The following OC90 variants were observed in gnomAD, a reference collection of about 807,000 sequenced individuals.
The protein encoded by OC90 is otoconin-90.
In OC90, 46 loss-of-function variants were observed where a neutral mutation model predicts 47.3. The observed-to-expected ratio is 0.97, with a 90% CI of 0.77 to 1.24. The LOEUF is 1.24. OC90 is among the 50% of genes most tolerant of loss of function. OC90 has a pLI of 0.00. For synonymous variants in OC90, 271 were observed against 219.5 expected (o/e 1.23, Z -2.07); for missense variants, 688 against 583.9 (o/e 1.18, Z -1.84).
intron 3 of OC90, among the ~76,000 whole-genome samples, chr8:132,044,961 T>C (rs1188699823): frequency 6.6e-6 from 1 of 152,160 alleles, no homozygotes; most frequent in African/African-American, 2.4e-5. Flanking sequence ...TGTACCTGAG[T>C]TGTTTGTTAT....
rs1278342715 is a variant in OC90, at chr8:132,041,095, G to T, written c.406C>A (p.Pro136Thr). The change falls in exon 6 of 14, where the codon CCC becomes ACC. Residue 136 changes from proline to threonine, a missense_variant. By Grantham distance (38) the Pro-to-Thr change is conservative (BLOSUM62 -1). Transcript: ENST00000254627. Reference protein sequence around the residue: ...EAAEMDCLQDPAKLSTEVNCV... With the variant: ...EAAEMDCLQDTAKLSTEVNCV... ...TTGACCTCTGTGCTAAGTTTGGCGG[G>T]GTCTTGGAGACAGTCCATCTCAGCG... The T allele has an allele frequency of 6.2e-7, 1 of 1,613,602 alleles. No homozygotes were observed. Among genetic ancestry groups the T allele is most frequent in the African/African-American group, 1.3e-5 (1 of 74,902 alleles).
At chr8:132,051,042 G>A (rs1175693933) in intron 2 of OC90, among the ~76,000 whole-genome samples, 2 of 152,142 alleles carry the variant, frequency 1.3e-5, no homozygotes, top group East Asian at 3.9e-4. Context: ...CAGGCTCATG[G>A]AAGATCTCAA....
intron 4 of OC90, 91 bp downstream of exon 4, chr8:132,044,342 G>C (rs1264193304): frequency 2.7e-6 from 2 of 739,874 alleles, no homozygotes; most frequent in African/African-American, 1.8e-5. Context: ...GGAGCTCCGA[G>C]GGTTGAGACC....
intron 2 of OC90, among the ~76,000 whole-genome samples, chr8:132,049,428 C>T (rs769715464): frequency 1.9e-4 from 29 of 152,114 alleles, no homozygotes; most frequent in Non-Finnish European, 2.4e-4. Context: ...AAACTTGCGT[C>T]CTTTATGTTT....
chr8:132,029,978 CT>C (rs1325849031), intron 12 of OC90, among the ~76,000 whole-genome samples: 1 of 152,176 alleles, frequency 6.6e-6, no homozygotes, highest in East Asian at 1.9e-4. Context: ...GCTCTTGTGG[CT>C]TTTTTATTGC....
chr8:132,044,692 A>G (rs774542333), intron 3 of OC90, among the ~76,000 whole-genome samples: 5 of 152,324 alleles, frequency 3.3e-5, no homozygotes, highest in Non-Finnish European at 5.9e-5. Context: ...ACTGGGTAGC[A>G]TTGCACAATG....
At chr8:132,037,153 A>G (rs1563730454) in intron 9 of OC90, among the ~76,000 whole-genome samples, 2 of 152,242 alleles carry the variant, frequency 1.3e-5, no homozygotes, top group Non-Finnish European at 2.9e-5. Flanking sequence ...CAACTGTGAC[A>G]GAGACCCTGT....
In OC90 at chr8:132,034,821, A is replaced by C; in HGVS notation, c.693T>G (p.Asp231Glu). 1 of 1,612,880 alleles carries C rather than the reference A, an allele frequency of 6.2e-7. No individual in the cohort carries two copies. The highest frequency in any genetic ancestry group is 8.5e-7 in the Non-Finnish European group (1 of 1,179,220). Reference protein sequence around the residue: ...TALSGEEAGHDQEGVGAARAT... With the variant: ...TALSGEEAGHEQEGVGAARAT... ...CCCTAGCAGCTCCCACTCCTTCCTG[A>C]TCGTGGCCTGCTTCTGTTCCCCAAA... The change falls in exon 10 of 14, where the codon GAT (aspartate) becomes GAG (glutamate). Residue 231 changes from aspartate to glutamate, a missense_variant. Asp to Glu is a conservative substitution (Grantham distance 45, BLOSUM62 2). Coordinates refer to ENST00000254627, the MANE Select transcript of OC90 (RefSeq NM_001080399.3).
At chr8:132,048,479 G>A (rs11998123) in intron 2 of OC90, among the ~76,000 whole-genome samples, 7,550 of 147,520 alleles carry the variant, frequency 0.051, 669 homozygotes, top group African/African-American at 0.18. Context: ...CAAATATGCC[G>A]CACATTTTCA....
At chr8:132,034,743 T>C in intron 10 of OC90, 38 bp downstream of exon 10, 1 of 1,444,254 alleles carries the variant, frequency 6.9e-7, no homozygotes, top group Non-Finnish European at 9.7e-7. Context: ...GACATAAATG[T>C]GTCATGAACA....
chr8:132,050,325 T>C (rs985507958), intron 2 of OC90, among the ~76,000 whole-genome samples: 27 of 152,196 alleles, frequency 1.8e-4, no homozygotes, highest in African/African-American at 6.3e-4. Flanking sequence ...ACAGTGACGG[T>C]GGAGTCATAG....
Position 132,033,025 on chromosome 8 carries a change from CT to C in OC90, c.859+13del. On this transcript the variant is annotated intron_variant, in intron 11 of 13. Transcript: ENST00000254627. ...ATCCCAGCAGCGGAGAGGACAGACA[CT>C]GCTTCTGCTCACCTTTTTCAGTGGT... 1 of 1,606,652 alleles carries C rather than the reference CT, an allele frequency of 6.2e-7. No homozygotes were observed. Among genetic ancestry groups the C allele is most frequent in the Middle Eastern group, 1.7e-4 (1 of 6,048 alleles).
At chr8:132,054,838 A>C in intron 2 of OC90, 143 bp downstream of exon 2, 1 of 541,620 alleles carries the variant, frequency 1.8e-6, no homozygotes, top group Non-Finnish European at 3.2e-6. Context: ...GAATATGTTT[A>C]ACCATCTCAA....
chr8:132,030,319 TTGAC>T (rs1822856390), intron 12 of OC90, among the ~76,000 whole-genome samples: 1 of 152,252 alleles, frequency 6.6e-6, no homozygotes. Context: ...TTATATCAGT[TTGAC>T]TAACTTTTCC....
At chr8:132,032,608 A>C (rs1362820060) in intron 11 of OC90, among the ~76,000 whole-genome samples, 1 of 152,202 alleles carries the variant, frequency 6.6e-6, no homozygotes, top group Non-Finnish European at 1.5e-5. Context: ...GATACTAACA[A>C]AGCCCCTCCT....
intron 12 of OC90, among the ~76,000 whole-genome samples, chr8:132,029,768 T>G (rs1435642124): frequency 6.6e-6 from 1 of 152,230 alleles, no homozygotes; most frequent in Non-Finnish European, 1.5e-5. Context: ...TCTTTGTATA[T>G]CCACCCATCT....
chr8:132,040,958 C>A, intron 6 of OC90, 86 bp downstream of exon 6: 1 of 819,778 alleles, frequency 1.2e-6, no homozygotes, highest in African/African-American at 1.7e-5. Context: ...GTGAGAGGAT[C>A]ACAATGCCCT....
chr8:132,055,358 C>T (rs1397087091), intron 1 of OC90, among the ~76,000 whole-genome samples: 2 of 152,190 alleles, frequency 1.3e-5, no homozygotes, highest in African/African-American at 4.8e-5. Context: ...ATTCCATGGT[C>T]ATTTCTTCCA....
intron 1 of OC90, among the ~76,000 whole-genome samples, chr8:132,056,213 AC>A (rs1471286538): frequency 6.6e-6 from 1 of 152,122 alleles, no homozygotes; most frequent in Non-Finnish European, 1.5e-5. Flanking sequence ...TGTTGCATCA[AC>A]CCGAAGGAAG....
Sources: gnomAD v4.1 joint callset for allele counts (sites outside exome capture counted in the v4.1 genomes callset) on GRCh38, gnomAD v4.1.1 for gene constraint, MANE v1.5 for transcripts, NCBI Gene and HGNC (gene_info 2026-07-23, HGNC 2026-07-21) for gene names.